The following PCDH15 variants were observed in gnomAD, a reference collection of about 807,000 sequenced individuals.
PCDH15 encodes the protein protocadherin related 15.
In PCDH15, 129 loss-of-function variants were observed where a neutral mutation model predicts 178.5. The ratio of observed to expected loss-of-function variants is 0.72; its 90% CI spans 0.63 to 0.84. The LOEUF is 0.84. Among genes scored for constraint, PCDH15 ranks in the 40% least tolerant of loss-of-function variants. PCDH15 has a pLI of 0.00. For synonymous variants in PCDH15, 800 were observed against 732.0 expected (o/e 1.09, Z -1.50); for missense variants, 2,230 against 2,099.9 (o/e 1.06, Z -1.21).
chr10:54,321,983 TA>T (rs2061639687), intron 7 of PCDH15, among the ~76,000 whole-genome samples: 1 of 151,970 alleles, frequency 6.6e-6, no homozygotes, highest in Non-Finnish European at 1.5e-5. Context: ...TGTGAGCCCA[TA>T]ATGGTAATGC....
chr10:54,939,010 G>A (rs188469652), intron 2 of PCDH15, among the ~76,000 whole-genome samples: 22 of 152,190 alleles, frequency 1.4e-4, no homozygotes, highest in African/African-American at 5.3e-4. Flanking sequence ...TTATTCTTTT[G>A]AGAACTGTGA....
chr10:54,434,207 A>C (rs954823442), intron 3 of PCDH15, among the ~76,000 whole-genome samples: 5 of 152,168 alleles, frequency 3.3e-5, no homozygotes, highest in African/African-American at 1.2e-4. Flanking sequence ...ATAAAAGTTT[A>C]TTAAGTAAAG....
At chr10:54,255,887 GA>G in intron 8 of PCDH15, among the ~76,000 whole-genome samples, 1 of 152,234 alleles carries the variant, frequency 6.6e-6, no homozygotes, top group Admixed American at 6.5e-5. Flanking sequence ...TTGCCCTAGA[GA>G]AAAAGACGCC....
chr10:54,442,888 T>C (rs1274148984), intron 3 of PCDH15, among the ~76,000 whole-genome samples: 1 of 151,556 alleles, frequency 6.6e-6, no homozygotes, highest in Non-Finnish European at 1.5e-5. Flanking sequence ...AATCAAGTTG[T>C]ATCCTGTAAC....
At chr10:55,627,489 G>C (rs1285704578) in intron 2 of PCDH15, 1 of 152,190 alleles carries the variant, frequency 6.6e-6, no homozygotes, top group Non-Finnish European at 1.5e-5. Context: ...CCACGGATTT[G>C]GTTGTTCCTG....
At chr10:54,825,934 AC>A (rs1220520761) in intron 3 of PCDH15, among the ~76,000 whole-genome samples, 4 of 152,098 alleles carry the variant, frequency 2.6e-5, no homozygotes, top group African/African-American at 9.7e-5. Flanking sequence ...TATTATGCAT[AC>A]AGCCTCTAAT....
chr10:54,701,004 C>G (rs2095303103), intron 1 of PCDH15, among the ~76,000 whole-genome samples: 1 of 152,020 alleles, frequency 6.6e-6, no homozygotes, highest in Non-Finnish European at 1.5e-5. Flanking sequence ...ATCAGGCAAA[C>G]AGTGGATCTT....
At chr10:54,285,256 GA>G (rs11399363) in intron 8 of PCDH15, among the ~76,000 whole-genome samples, 31 of 144,164 alleles carry the variant, frequency 2.2e-4, no homozygotes, top group East Asian at 4.1e-4. Context: ...CATCTTAACA[GA>G]AAAAAAAAAC....
intron 1 of PCDH15, among the ~76,000 whole-genome samples, chr10:55,201,369 G>T (rs1840243490): frequency 6.6e-6 from 1 of 152,052 alleles, no homozygotes; most frequent in African/African-American, 2.4e-5. Flanking sequence ...ATGCATACTA[G>T]TTTAAGTTGT....
At chr10:55,562,525 C>A (rs984218471) in intron 2 of PCDH15, among the ~76,000 whole-genome samples, 8 of 151,874 alleles carry the variant, frequency 5.3e-5, no homozygotes, top group Admixed American at 2.6e-4. Context: ...CCAGCTTTGT[C>A]ACTTAGTTGA....
intron 1 of PCDH15, among the ~76,000 whole-genome samples, chr10:54,745,797 A>T (rs963154442): frequency 1.3e-5 from 2 of 152,236 alleles, no homozygotes; most frequent in African/African-American, 2.4e-5. Context: ...ATAAGCCAGT[A>T]CATTTCTTTA....
chr10:54,173,070 A>G (rs2047073589), intron 13 of PCDH15, among the ~76,000 whole-genome samples: 1 of 152,220 alleles, frequency 6.6e-6, no homozygotes, highest in Non-Finnish European at 1.5e-5. Context: ...TGCTAGCATT[A>G]GTATTTCTTC....
chr10:53,826,435 T>C (rs2076684543), intron 32 of PCDH15, among the ~76,000 whole-genome samples: 1 of 152,052 alleles, frequency 6.6e-6, no homozygotes, highest in South Asian at 2.1e-4. Flanking sequence ...GCTTTTCTTA[T>C]TGCTACTAGT....
chr10:54,775,999 T>C (rs1949661631), intron 1 of PCDH15, among the ~76,000 whole-genome samples: 1 of 152,198 alleles, frequency 6.6e-6, no homozygotes, highest in Admixed American at 6.5e-5. Flanking sequence ...ATCAACTTAT[T>C]TTAGCTTCTG....
intron 2 of PCDH15, among the ~76,000 whole-genome samples, chr10:54,575,010 T>A (rs966667026): frequency 1.3e-5 from 2 of 148,952 alleles, no homozygotes; most frequent in African/African-American, 5.0e-5. Flanking sequence ...GGGACATGGA[T>A]GATATTGGAA....
At chr10:53,847,538 C>A (rs1385258201) in intron 28 of PCDH15, among the ~76,000 whole-genome samples, 1 of 152,042 alleles carries the variant, frequency 6.6e-6, no homozygotes, top group African/African-American at 2.4e-5. Context: ...TACATGGTAA[C>A]CTCTCTGTGG....
At chr10:54,728,483 T>C (rs1217813560) in intron 1 of PCDH15, among the ~76,000 whole-genome samples, 3 of 151,378 alleles carry the variant, frequency 2.0e-5, no homozygotes, top group Non-Finnish European at 3.0e-5. Context: ...GAGAACATCA[T>C]ACTGAATCGG....
chr10:54,156,995 C>T (rs1473931715), intron 13 of PCDH15, among the ~76,000 whole-genome samples: 1 of 152,182 alleles, frequency 6.6e-6, no homozygotes, highest in African/African-American at 2.4e-5. Context: ...TTTCCATGCT[C>T]ATAGGCAGCT....
chr10:54,850,542 T>C (rs866179996), intron 3 of PCDH15, among the ~76,000 whole-genome samples: 12 of 152,156 alleles, frequency 7.9e-5, no homozygotes, highest in African/African-American at 2.9e-4. Flanking sequence ...ATATAATGCT[T>C]GGTTTTTCCA....
Sources: allele counts gnomAD v4.1 joint callset (sites outside exome capture counted in the v4.1 genomes callset), GRCh38; gene constraint gnomAD v4.1.1; transcripts MANE v1.5; gene names NCBI Gene and HGNC (gene_info 2026-07-23, HGNC 2026-07-21).